The following TPX2 variants were observed in gnomAD, a reference collection of about 807,000 sequenced individuals.
The protein encoded by TPX2 is targeting protein for Xklp2.
A neutral mutation model predicts 93.6 loss-of-function variants in TPX2; 21 were observed. The ratio of observed to expected loss-of-function variants is 0.22; its 90% confidence interval spans 0.16 to 0.32. TPX2 has a LOEUF of 0.32. TPX2 is among the 10% of genes least tolerant of loss of function. TPX2 has a pLI of 1.00. For synonymous variants in TPX2, 281 were observed against 298.3 expected, an observed-to-expected ratio of 0.94 and a Z score of 0.60; for missense variants, 776 against 871.1, an observed-to-expected ratio of 0.89 and a Z score of 1.37.
At chr20:31,782,145 T>C in intron 10 of TPX2, 104 bp from the exon 11 acceptor site, 2 of 1,434,774 alleles carry the variant, frequency 1.4e-6, no homozygotes, top group Non-Finnish European at 1.9e-6. Flanking sequence ...GGCCCACCAC[T>C]CTGTGGTTGG....
chr20:31,788,579 C>G (rs980470170), intron 12 of TPX2, among the ~76,000 whole-genome samples: 6 of 152,140 alleles, frequency 3.9e-5, no homozygotes, highest in African/African-American at 1.4e-4. Context: ...TGTGTCCTTA[C>G]AGTGTTTCCT....
Position 31,784,986 on chromosome 20 carries a change from A to AT in TPX2, c.1413+1066dup, listed in dbSNP as rs200738519. Among the ~76,000 whole-genome samples the AT allele has an allele frequency of 4.1e-4, 62 of 152,316 alleles. No individual in the cohort carries two copies. In the East Asian group the frequency reaches 0.012, roughly 29 times the overall value. ...TCTTTTTGCTTGCTTTAGAGTCACC[A>AT]TGCTTTTAGGGGAAACTGCACCAAT... On this transcript the variant is annotated intron_variant, in intron 12 of 17. Transcript: ENST00000300403.
rs750922714 is a variant in TPX2, at chr20:31,766,551, C to A, written c.230-5C>A. On this transcript the variant is annotated splice_polypyrimidine_tract_variant and splice_region_variant and intron_variant, in intron 4 of 17. Coordinates refer to ENST00000300403, the MANE Select transcript of TPX2 (RefSeq NM_012112.5). ...GAGTGCTGACTAGCTTTTGGTCTTC[C>A]GCAGTTGACAACACTTACTACAAAG... is the stretch of plus-strand genomic sequence containing the variant. 13 of 1,606,568 alleles carry A rather than the reference C, an allele frequency of 8.1e-6. No individual in the cohort carries two copies. The highest frequency in any genetic ancestry group is 1.1e-5 in the Non-Finnish European group (13 of 1,176,528).
In TPX2 at chr20:31,770,555, C is replaced by G. The variant is rs1055579699; in HGVS notation, c.485+84C>G. On this transcript the variant is annotated intron_variant, in intron 6 of 17. Transcript: ENST00000300403. ...TGTAAGTTTCTTTTCTGAATTTACA[C>G]TTTAGATTGAATAGATTAAAATTAA... is the stretch of plus-strand genomic sequence containing the variant. 9 of 1,257,614 alleles carry G rather than the reference C, an allele frequency of 7.2e-6. No individual in the cohort carries two copies. The Admixed American group carries it at 2.5e-4, about 35-fold the overall frequency. The allele number at this position is 1,257,614 out of a possible 1,614,324, so 77.9% of individuals were successfully genotyped here.
chr20:31,747,095 T>C (rs537197731), intron 2 of TPX2, among the ~76,000 whole-genome samples: 3 of 152,248 alleles, frequency 2.0e-5, no homozygotes, highest in African/African-American at 7.2e-5. Context: ...CCCCATTCAA[T>C]TGTGCGTTCT....
intron 4 of TPX2, 77 bp from the exon 5 acceptor site, chr20:31,766,479 G>GTGTGTGTGTGTGTT: frequency 7.6e-7 from 1 of 1,307,358 alleles, no homozygotes; most frequent in South Asian, 1.3e-5. Flanking sequence ...GTGTGTGTGT[G>GTGTGTGTGTGTGTT]TGTGTGTGTG....
chr20:31,791,091 C>T (rs111570194), intron 12 of TPX2, among the ~76,000 whole-genome samples: 4 of 151,990 alleles, frequency 2.6e-5, no homozygotes, highest in South Asian at 2.1e-4. Context: ...ATCAGTAGTT[C>T]GTTGTGGTTG....
rs1336096309 is a variant in TPX2 at position 31,792,725 on chromosome 20, C to T, written c.1414-10C>T. The T allele has an allele frequency of 6.2e-7, 1 of 1,609,578 alleles. No individual in the cohort carries two copies. The highest frequency in any genetic ancestry group is 8.5e-7 in the Non-Finnish European group (1 of 1,175,814). On this transcript the variant is annotated splice_polypyrimidine_tract_variant and intron_variant, in intron 12 of 17. Coordinates refer to ENST00000300403, the MANE Select transcript of TPX2 (RefSeq NM_012112.5). ...TTGTGATATCTAATTGAGTTGCTTACTCCTTTCAGGGTGTTCCTGAAAAGA... is the reference window on the plus strand; with the variant it reads ...TTGTGATATCTAATTGAGTTGCTTATTCCTTTCAGGGTGTTCCTGAAAAGA...
rs1010815024 is a variant in TPX2, at chr20:31,739,388, G to T, written c.-411G>T. On this transcript the variant is annotated 5_prime_UTR_variant, in exon 1 of 18. Coordinates refer to ENST00000300403, the MANE Select transcript of TPX2 (RefSeq NM_012112.5). ...AAAAGAGGGAGCAGCTAGGGCGCGGGTCTCCCTCCTCCCGGAGTTTGGAAC... is the reference window on the plus strand; with the variant it reads ...AAAAGAGGGAGCAGCTAGGGCGCGGTTCTCCCTCCTCCCGGAGTTTGGAAC... 6.6e-6 allele frequency: 1 copy of T among 152,258 alleles called. No homozygotes were observed. Among genetic ancestry groups the T allele is most frequent in the Non-Finnish European group, 1.5e-5 (1 of 68,062 alleles). 9.4% of individuals were successfully genotyped at this position (152,258 alleles called of 1,614,324 possible).
Position 31,800,992 on chromosome 20 carries a change from G to A in TPX2, c.2156G>A (p.Arg719His), listed in dbSNP as rs374726805. 3.1e-6 allele frequency: 5 copies of A among 1,614,104 alleles called. No homozygotes were observed. The South Asian group carries it at 4.4e-5, about 14-fold the overall frequency. The change falls in exon 18 of 18, where the codon CGC becomes CAC. Residue 719 changes from arginine to histidine, a missense_variant. Arg to His is a conservative substitution (Grantham distance 29, BLOSUM62 0). Coordinates refer to ENST00000300403, the MANE Select transcript of TPX2 (RefSeq NM_012112.5). ...CAGGTGCATAAGGCAAATCCAATACGCAAGTACCAGGGTCTGGAGATAAAG... is the reference window on the plus strand; with the variant it reads ...CAGGTGCATAAGGCAAATCCAATACACAAGTACCAGGGTCTGGAGATAAAG... ...RELVHKANPI[R>H]KYQGLEIKSS...
In TPX2 at chr20:31,754,877, CATTTAAAAA is replaced by C. The variant is rs2061841881; in HGVS notation, c.-70-2528_-70-2520del. Among the ~76,000 whole-genome samples, 3 of 152,090 alleles carry C rather than the reference CATTTAAAAA, an allele frequency of 2.0e-5. No homozygotes were observed. In the East Asian group the frequency reaches 5.8e-4, roughly 29 times the overall value. ...AAGCAGATTCAAACTGTCAATGATT[CATTTAAAAA>C]AATAATAGTTTGTATATATATGAGG... On this transcript the variant is annotated intron_variant, in intron 2 of 17. Transcript: ENST00000300403.
intron 11 of TPX2, among the ~76,000 whole-genome samples, 164 bp from the exon 12 acceptor site, chr20:31,783,541 G>C (rs568925528): frequency 6.6e-6 from 1 of 152,246 alleles, no homozygotes; most frequent in East Asian, 1.9e-4. Context: ...ATGAGCCACC[G>C]TGCCTGGCCC....
chr20:31,797,355 T>C, intron 15 of TPX2, 49 bp from the exon 16 acceptor site: 1 of 1,544,176 alleles, frequency 6.5e-7, no homozygotes, highest in African/African-American at 1.4e-5. Context: ...GAGGTAGTGG[T>C]CATAGAAAGG....
chr20:31,793,966 G>C lies in TPX2; in HGVS notation c.1628G>C (p.Arg543Pro), dbSNP rs149816634. 3.1e-6 allele frequency: 5 copies of C among 1,613,576 alleles called. No homozygotes were observed. Among genetic ancestry groups the C allele is most frequent in the Admixed American group, 1.7e-5 (1 of 59,902 alleles). Reference sequence around the variant, plus strand: ...ATATGCCCTTTCTCGTTTGATTCTCGAGACAAAGAACGTCAGTTACAGAAG... The same window carrying C: ...ATATGCCCTTTCTCGTTTGATTCTCCAGACAAAGAACGTCAGTTACAGAAG... ...VEICPFSFDSRDKERQLQKEK... is the reference protein window; with the variant it reads ...VEICPFSFDSPDKERQLQKEK... The change falls in exon 14 of 18, where the codon CGA becomes CCA. Residue 543 changes from arginine (R) to proline (P), a missense_variant. Coordinates refer to ENST00000300403, the MANE Select transcript of TPX2 (RefSeq NM_012112.5).
At position 31,776,050 on chromosome 20, in the gene TPX2, G is replaced by GTT. The variant is rs10528470; in HGVS notation, c.730+102_730+103dup. 84 of 331,380 alleles carry GTT rather than the reference G, an allele frequency of 2.5e-4. 8 individuals are homozygous for GTT. Among genetic ancestry groups the GTT allele is most frequent in the East Asian group, 1.2e-3 (4 of 3,208 alleles). The allele number at this position is 331,380 out of a possible 1,614,324, so 20.5% of individuals were successfully genotyped here. ...GTGGTTCTTAACACTCTTGGTAGGT[G>GTT]TTTTTTTTTTTTTTTTTTTTTTTTT... On this transcript the variant is annotated intron_variant, in intron 8 of 17. Transcript: ENST00000300403.
intron 1 of TPX2, among the ~76,000 whole-genome samples, chr20:31,741,344 C>T (rs2061751983): frequency 6.7e-6 from 1 of 149,032 alleles, no homozygotes; most frequent in East Asian, 2.1e-4. Flanking sequence ...CGGAGTCTCA[C>T]TCTGTCGCCC....
At chr20:31,791,322 C>T (rs1042104053) in intron 12 of TPX2, among the ~76,000 whole-genome samples, 2 of 152,216 alleles carry the variant, frequency 1.3e-5, no homozygotes, top group Non-Finnish European at 2.9e-5. Context: ...CTTGCTCTGT[C>T]GCCCAGGCTG....
chr20:31,757,070 A>G lies in TPX2; in HGVS notation c.-70-337A>G, dbSNP rs529736837. 1.6e-3 allele frequency among the ~76,000 whole-genome samples: 243 copies of G among 151,490 alleles called. 2 individuals carry two copies. Among genetic ancestry groups the G allele is most frequent in the African/African-American group, 5.8e-3 (236 of 40,834 alleles). On this transcript the variant is annotated intron_variant, in intron 2 of 17. Transcript: ENST00000300403. ...CTTTTTAGAGACAGGGTCAACTGTT[A>G]TACTTAGAGATAATTTTAATTTATT...
rs1263899033 is a variant in TPX2, at chr20:31,786,406, T to TTTTTTTTTGTTTTG, written c.1413+2493_1413+2494insGTTTTGTTTTTTTT. Among the ~76,000 whole-genome samples the TTTTTTTTTGTTTTG allele has an allele frequency of 3.3e-3, 465 of 142,824 alleles. 2 individuals are homozygous for TTTTTTTTTGTTTTG. Among genetic ancestry groups the TTTTTTTTTGTTTTG allele is most frequent in the African/African-American group, 0.012 (440 of 35,324 alleles). 93.7% of individuals were successfully genotyped at this position (142,824 alleles called of 152,430 possible). A position where few individuals can be genotyped will look rare whatever the true frequency, so the allele number is the denominator to read the frequency against. ...CAGTCACACCTGAACTACTGTTTTT[T>TTTTTTTTTGTTTTG]TTTTTTTTTGAGACAATCTCACTCT... On this transcript the variant is annotated intron_variant, in intron 12 of 17. Coordinates refer to ENST00000300403, the MANE Select transcript of TPX2 (RefSeq NM_012112.5).
Sources: allele counts gnomAD v4.1 joint callset (sites outside exome capture counted in the v4.1 genomes callset), GRCh38; gene constraint gnomAD v4.1.1; transcripts MANE v1.5; gene names NCBI Gene and HGNC (gene_info 2026-07-23, HGNC 2026-07-21).